Variants in NCKAP5 observed in about 807,000 individuals in gnomAD.
The protein encoded by NCKAP5 is NCK associated protein 5.
A neutral mutation model predicts 167.0 loss-of-function variants in NCKAP5; 92 were observed. That is an observed-to-expected ratio of 0.55 (90% confidence interval 0.47 to 0.66). The LOEUF (loss-of-function observed/expected upper bound fraction) is 0.66, where lower values mean the gene tolerates loss of function less well. Among genes scored for constraint, NCKAP5 ranks in the 30% least tolerant of loss-of-function variants. NCKAP5 has a pLI of 0.00. For missense variants in NCKAP5, 2,378 were observed against 2,315.0 expected, an observed-to-expected ratio of 1.03 and a Z score of -0.56; for synonymous variants, 891 against 877.4, an observed-to-expected ratio of 1.02 and a Z score of -0.27.
chr2:132,950,546 C>T (rs2076152323), intron 8 of NCKAP5, among the ~76,000 whole-genome samples: 1 of 152,088 alleles, frequency 6.6e-6, no homozygotes, highest in African/African-American at 2.4e-5. Context: ...TTACATTCAT[C>T]TCAGGAAATA....
chr2:133,320,605 G>A (rs146853972), intron 3 of NCKAP5, among the ~76,000 whole-genome samples: 5,017 of 152,142 alleles, frequency 0.033, 141 homozygotes, highest in Non-Finnish European at 0.045. Context: ...GTGGGCACCC[G>A]TAGTCCCAGC....
At chr2:133,246,283 C>G (rs982404589) in intron 4 of NCKAP5, among the ~76,000 whole-genome samples, 2 of 151,944 alleles carry the variant, frequency 1.3e-5, no homozygotes, top group Non-Finnish European at 2.9e-5. Flanking sequence ...ACTGTCTATC[C>G]TCAAATGGAG....
intron 19 of NCKAP5, among the ~76,000 whole-genome samples, chr2:132,710,408 C>T (rs1688732639): frequency 6.6e-6 from 1 of 152,168 alleles, no homozygotes. Context: ...AGCACATATC[C>T]CTTTCATAGA....
chr2:132,788,213 G>A (rs1379001845), intron 13 of NCKAP5, among the ~76,000 whole-genome samples: 1 of 152,220 alleles, frequency 6.6e-6, no homozygotes, highest in Non-Finnish European at 1.5e-5. Flanking sequence ...TGCGAAAGTT[G>A]GAAGAGAGTT....
At chr2:133,354,842 C>T (rs1039706577) in intron 3 of NCKAP5, among the ~76,000 whole-genome samples, 1 of 152,106 alleles carries the variant, frequency 6.6e-6, no homozygotes, top group Non-Finnish European at 1.5e-5. Flanking sequence ...CACAAAAAGA[C>T]ATTCTAAAGA....
chr2:132,975,264 T>A (rs2076946658), intron 7 of NCKAP5, among the ~76,000 whole-genome samples: 1 of 152,210 alleles, frequency 6.6e-6, no homozygotes, highest in Non-Finnish European at 1.5e-5. Context: ...AAGCACATGG[T>A]AAAATCCCCA....
At chr2:133,619,859 A>T in the NCKAP5 span, among the ~76,000 whole-genome samples, 1 of 152,176 alleles carries the variant, frequency 6.6e-6, no homozygotes. Context: ...AGGCAAAAGC[A>T]TCAAGTAACC....
intron 7 of NCKAP5, among the ~76,000 whole-genome samples, chr2:132,978,499 T>C (rs1010089893): frequency 3.9e-5 from 6 of 152,188 alleles, no homozygotes; most frequent in Admixed American, 3.9e-4. Context: ...AATGAGGTGG[T>C]TGGATGCTGG....
chr2:133,233,762 G>A (rs149150489), intron 4 of NCKAP5, among the ~76,000 whole-genome samples: 47 of 152,214 alleles, frequency 3.1e-4, no homozygotes, highest in African/African-American at 1.1e-3. Context: ...TACATGCATC[G>A]TCTTATTGAA....
At chr2:132,971,433 T>C (rs367560000) in intron 7 of NCKAP5, among the ~76,000 whole-genome samples, 13 of 152,208 alleles carry the variant, frequency 8.5e-5, no homozygotes, top group African/African-American at 2.9e-4. Flanking sequence ...AGTTTTGTCT[T>C]TACCCTCAGG....
the NCKAP5 span, among the ~76,000 whole-genome samples, chr2:133,580,653 A>G: frequency 1.3e-5 from 2 of 152,154 alleles, no homozygotes; most frequent in African/African-American, 4.8e-5. Context: ...TTTATTCCCA[A>G]GACAAATTAA....
chr2:133,666,778 C>A, the NCKAP5 span, among the ~76,000 whole-genome samples: 1 of 151,910 alleles, frequency 6.6e-6, no homozygotes, highest in African/African-American at 2.4e-5. Flanking sequence ...ATAAAAGTCA[C>A]ACAAATTGGC....
At chr2:133,478,742 T>C (rs549375209) in intron 3 of NCKAP5, among the ~76,000 whole-genome samples, 1 of 151,074 alleles carries the variant, frequency 6.6e-6, no homozygotes, top group Admixed American at 6.6e-5. Context: ...ATCTCTTTTC[T>C]ATCACCTTGA....
chr2:132,832,839 G>A (rs1687617339), intron 11 of NCKAP5, among the ~76,000 whole-genome samples: 1 of 152,078 alleles, frequency 6.6e-6, no homozygotes, highest in Non-Finnish European at 1.5e-5. Flanking sequence ...ATGAGTGCAG[G>A]TTTCTTTTTT....
At chr2:132,809,756 A>T (rs930094794) in intron 11 of NCKAP5, among the ~76,000 whole-genome samples, 2 of 152,204 alleles carry the variant, frequency 1.3e-5, no homozygotes, top group African/African-American at 4.8e-5. Flanking sequence ...TAGGCCATTT[A>T]CATTGAATGT....
intron 4 of NCKAP5, among the ~76,000 whole-genome samples, chr2:133,252,176 A>C (rs2088375793): frequency 6.6e-6 from 1 of 152,178 alleles, no homozygotes; most frequent in Non-Finnish European, 1.5e-5. Flanking sequence ...TCTCCTGATT[A>C]AACAAACAAG....
At chr2:133,129,720 T>C (rs992469787) in intron 6 of NCKAP5, among the ~76,000 whole-genome samples, 1 of 152,214 alleles carries the variant, frequency 6.6e-6, no homozygotes, top group Non-Finnish European at 1.5e-5. Flanking sequence ...CACAACTCAC[T>C]TGAAGACCCT....
chr2:132,673,066 A>G lies in NCKAP5; in HGVS notation c.*223T>C, dbSNP rs931323374. The G allele has an allele frequency of 2.6e-6, 3 of 1,143,280 alleles. No individual in the cohort carries two copies. Among genetic ancestry groups the G allele is most frequent in the South Asian group, 3.6e-5 (1 of 27,926 alleles). The allele number at this position is 1,143,280 out of a possible 1,614,324, so 70.8% of individuals were successfully genotyped here. ...CTTGACTGGCACAGGAAGAGAAGCT[A>G]TCATATAAAGAATCACTCAAAGATT... On this transcript the variant is annotated 3_prime_UTR_variant, in exon 20 of 20. Transcript: ENST00000409261.
intron 11 of NCKAP5, among the ~76,000 whole-genome samples, chr2:132,857,619 T>C (rs568758780): frequency 6.6e-6 from 1 of 152,284 alleles, no homozygotes; most frequent in East Asian, 1.9e-4. Flanking sequence ...TACTTTTGGA[T>C]TTTGTTTGCT....
Sources: allele counts gnomAD v4.1 joint callset (sites outside exome capture counted in the v4.1 genomes callset), GRCh38; gene constraint gnomAD v4.1.1; transcripts MANE v1.5; gene names NCBI Gene and HGNC (gene_info 2026-07-23, HGNC 2026-07-21).